The following CSMD3 variants were observed in gnomAD, a reference collection of about 807,000 sequenced individuals.
The protein encoded by CSMD3 is CUB and sushi domain-containing protein 3.
Under a neutral mutation model 435.2 loss-of-function variants are expected in CSMD3, and 177 were observed. The observed-to-expected ratio is 0.41, with a 90% confidence interval of 0.36 to 0.46. CSMD3 has a LOEUF of 0.46. Among genes scored for constraint, CSMD3 ranks in the 20% least tolerant of loss-of-function variants. The probability of loss-of-function intolerance (pLI) is 0.34; values close to 1 mark genes in which losing one functional copy is unlikely to be tolerated. For missense variants in CSMD3, 4,265 were observed against 4,504.6 expected (o/e 0.95, Z 1.52); for synonymous variants, 1,656 against 1,520.5 (o/e 1.09, Z -2.07).
At chr8:113,124,855 A>T (rs2131649964) in intron 4 of CSMD3, among the ~76,000 whole-genome samples, 1 of 152,126 alleles carries the variant, frequency 6.6e-6, no homozygotes, top group South Asian at 2.1e-4. Flanking sequence ...TGAAAATAAC[A>T]GAAGTTTCTG....
At chr8:112,338,910 T>C (rs146280397) in intron 42 of CSMD3, among the ~76,000 whole-genome samples, 1 of 152,252 alleles carries the variant, frequency 6.6e-6, no homozygotes, top group East Asian at 1.9e-4. Flanking sequence ...TTTTTTAGTT[T>C]AATAAGTATA....
chr8:113,102,160 A>T (rs2090348930), intron 4 of CSMD3, among the ~76,000 whole-genome samples: 1 of 152,070 alleles, frequency 6.6e-6, no homozygotes, highest in Admixed American at 6.6e-5. Flanking sequence ...TTCTTTCATC[A>T]TTACTCTGTC....
chr8:112,464,224 C>A (rs913994242), intron 32 of CSMD3, among the ~76,000 whole-genome samples: 2 of 139,638 alleles, frequency 1.4e-5, no homozygotes, highest in African/African-American at 5.5e-5. Context: ...GGCGACAGAG[C>A]GAGACTCTGT....
intron 5 of CSMD3, among the ~76,000 whole-genome samples, chr8:113,095,007 G>A (rs984062139): frequency 6.6e-5 from 10 of 151,878 alleles, no homozygotes; most frequent in African/African-American, 2.2e-4. Context: ...GCAAGCAGAG[G>A]TTGCAGTGAG....
At chr8:112,459,372 T>C (rs1817208573) in intron 32 of CSMD3, among the ~76,000 whole-genome samples, 1 of 119,056 alleles carries the variant, frequency 8.4e-6, no homozygotes, top group African/African-American at 3.0e-5. Context: ...GGGGGGGGGT[T>C]TATTCAATTA....
rs200407523 is a variant in CSMD3 at position 112,718,513 on chromosome 8, A to ATG, written c.1973-28465_1973-28464dup. ...CTAATGCCTATGTGTGTGTATATAT[A>ATG]TGTATATATATATATATATATATGC... is the stretch of plus-strand genomic sequence containing the variant. On this transcript the variant is annotated intron_variant, in intron 13 of 70. Transcript: ENST00000297405. 3.4e-3 allele frequency among the ~76,000 whole-genome samples: 499 copies of ATG among 146,186 alleles called. 1 individual carries two copies. The highest frequency in any genetic ancestry group is 0.015 in the East Asian group (75 of 5,018).
intron 17 of CSMD3, among the ~76,000 whole-genome samples, chr8:112,656,650 T>C (rs2075265484): frequency 6.6e-6 from 1 of 152,148 alleles, no homozygotes; most frequent in Non-Finnish European, 1.5e-5. Flanking sequence ...GAATTATCTT[T>C]GGTTGTCTTC....
chr8:113,069,217 C>A (rs955790407), intron 5 of CSMD3, among the ~76,000 whole-genome samples: 6 of 152,050 alleles, frequency 3.9e-5, no homozygotes, highest in Non-Finnish European at 8.8e-5. Context: ...ACAACGCTGC[C>A]TAGTAGATTA....
At chr8:113,415,049 T>G (rs756973524) in intron 1 of CSMD3, among the ~76,000 whole-genome samples, 4 of 152,128 alleles carry the variant, frequency 2.6e-5, no homozygotes, top group African/African-American at 4.8e-5. Flanking sequence ...TAGTGAAAAG[T>G]AAGTTAATAC....
At chr8:112,939,484 G>A (rs1031915621) in intron 9 of CSMD3, among the ~76,000 whole-genome samples, 10 of 152,020 alleles carry the variant, frequency 6.6e-5, no homozygotes, top group Middle Eastern at 3.4e-3. Context: ...TATTTAAAAG[G>A]AAAGACAACT....
At chr8:112,978,218 G>A (rs2084924950) in intron 6 of CSMD3, among the ~76,000 whole-genome samples, 3 of 151,956 alleles carry the variant, frequency 2.0e-5, no homozygotes, top group African/African-American at 7.2e-5. Flanking sequence ...CTAAATTTAT[G>A]AGAAATAATG....
intron 1 of CSMD3, among the ~76,000 whole-genome samples, chr8:113,319,230 G>A (rs1389460426): frequency 4.0e-5 from 6 of 151,864 alleles, no homozygotes; most frequent in African/African-American, 1.2e-4. Context: ...TTGTTATCTC[G>A]TCTTTTTGAT....
intron 3 of CSMD3, among the ~76,000 whole-genome samples, chr8:113,221,925 C>T (rs924795227): frequency 6.6e-5 from 10 of 151,248 alleles, no homozygotes; most frequent in African/African-American, 2.4e-4. Flanking sequence ...AGAGCAGGGA[C>T]TTTGTTTTAT....
intron 32 of CSMD3, among the ~76,000 whole-genome samples, chr8:112,458,555 A>T (rs1817099174): frequency 6.6e-6 from 1 of 152,110 alleles, no homozygotes; most frequent in Non-Finnish European, 1.5e-5. Context: ...TAATTTTTAA[A>T]GTAATTATAT....
intron 6 of CSMD3, among the ~76,000 whole-genome samples, chr8:112,977,153 G>A (rs1034382637): frequency 1.3e-4 from 20 of 151,974 alleles, no homozygotes; most frequent in Admixed American, 3.3e-4. Context: ...TATAATAGAA[G>A]CATGAAATTG....
intron 1 of CSMD3, among the ~76,000 whole-genome samples, chr8:113,421,055 T>G (rs2094606720): frequency 6.6e-6 from 1 of 151,928 alleles, no homozygotes; most frequent in African/African-American, 2.4e-5. Context: ...CTAAACCTGA[T>G]GCAGAAAATA....
intron 1 of CSMD3, among the ~76,000 whole-genome samples, chr8:113,321,085 T>A (rs1051059890): frequency 3.3e-5 from 5 of 152,122 alleles, no homozygotes; most frequent in Non-Finnish European, 7.4e-5. Flanking sequence ...TATCCTATTT[T>A]AAGAGCAACC....
intron 11 of CSMD3, among the ~76,000 whole-genome samples, chr8:112,831,050 A>C (rs954663149): frequency 6.6e-6 from 1 of 151,946 alleles, no homozygotes; most frequent in African/African-American, 2.4e-5. Flanking sequence ...GCCTCCCAAA[A>C]TGCTGGGATT....
chr8:112,810,665 G>GA (rs2079200707), intron 12 of CSMD3, among the ~76,000 whole-genome samples: 1 of 151,990 alleles, frequency 6.6e-6, no homozygotes, highest in Non-Finnish European at 1.5e-5. Context: ...AAGGATACTA[G>GA]AAAATGGTTG....
Sources: allele counts gnomAD v4.1 joint callset (sites outside exome capture counted in the v4.1 genomes callset), GRCh38; gene constraint gnomAD v4.1.1; transcripts MANE v1.5; gene names NCBI Gene and HGNC (gene_info 2026-07-23, HGNC 2026-07-21).